Variants in SULT1A1 observed in about 807,000 individuals in gnomAD.
The protein encoded by SULT1A1 is sulfotransferase 1A1.
In SULT1A1, 35 loss-of-function variants were observed where a neutral mutation model predicts 36.8. That is an observed-to-expected ratio of 0.95 (90% confidence interval 0.73 to 1.26). The LOEUF is 1.26. Ranked by LOEUF, SULT1A1 falls within the 50% of genes most tolerant of loss-of-function variation. The pLI is 0.00. For synonymous variants in SULT1A1, 119 were observed against 146.0 expected (o/e 0.82, Z 1.33); for missense variants, 309 against 383.0 (o/e 0.81, Z 1.61).
intron 2 of SULT1A1, among the ~76,000 whole-genome samples, chr16:28,618,852 C>T (rs1231908762): frequency 6.6e-6 from 1 of 152,112 alleles, no homozygotes; most frequent in Non-Finnish European, 1.5e-5. Flanking sequence ...TTAAGCCACT[C>T]ACAGTCTACC....
At chr16:28,610,269 T>TTTTG, upstream of SULT1A1, 5 of 961,874 alleles carry the variant, frequency 5.2e-6, no homozygotes, top group South Asian at 7.0e-5. Flanking sequence ...TTTCTGTTTT[T>TTTTG]TTTTTTTTTT....
rs1411083609 is a variant in SULT1A1, at chr16:28,605,671, G to T, written c.*150C>A. 5 of 1,371,110 alleles carry T rather than the reference G, an allele frequency of 3.6e-6. No individual in the cohort carries two copies. Among genetic ancestry groups the T allele is most frequent in the African/African-American group, 1.4e-5 (1 of 70,950 alleles). The allele number at this position is 1,371,110 out of a possible 1,614,324, so 84.9% of individuals were successfully genotyped here. ...TGCCCAGGTTGGTCTCGAACTCCTGGGCTCAAATGATCCTCCCACCTCAGC... is the reference window on the plus strand; with the variant it reads ...TGCCCAGGTTGGTCTCGAACTCCTGTGCTCAAATGATCCTCCCACCTCAGC... On this transcript the variant is annotated 3_prime_UTR_variant, in exon 8 of 8. Coordinates refer to ENST00000314752, the MANE Select transcript of SULT1A1 (RefSeq NM_001055.4).
chr16:28,616,188 C>A (rs569880019), intron 2 of SULT1A1, among the ~76,000 whole-genome samples: 2 of 152,126 alleles, frequency 1.3e-5, no homozygotes. Flanking sequence ...CCTGGTTTTT[C>A]CTAGGCTATG....
At chr16:28,616,584 G>C (rs749574661) in intron 2 of SULT1A1, among the ~76,000 whole-genome samples, 1 of 152,042 alleles carries the variant, frequency 6.6e-6, no homozygotes, top group Middle Eastern at 3.4e-3. Flanking sequence ...CACCATGCCA[G>C]GCCAGTTTTA....
upstream of SULT1A1, chr16:28,610,162 A>C (rs769420546): frequency 7.8e-7 from 1 of 1,285,546 alleles, no homozygotes; most frequent in South Asian, 1.2e-5. Context: ...GACAAGCTTA[A>C]AGTGATCTCC....
In SULT1A1 at chr16:28,609,949, G is replaced by A. The variant is rs2047382501; in HGVS notation, c.-23C>T. Reference sequence around the variant, plus strand: ...CACTCACCTGAGCTCTTGGGAACCTGGCCTCGTGCCCTCCTCGCCCGCAGT... The same window carrying A: ...CACTCACCTGAGCTCTTGGGAACCTAGCCTCGTGCCCTCCTCGCCCGCAGT... On this transcript the variant is annotated 5_prime_UTR_variant, in exon 1 of 8. Coordinates refer to ENST00000314752, the MANE Select transcript of SULT1A1 (RefSeq NM_001055.4). The A allele has an allele frequency of 7.8e-7, 1 of 1,287,794 alleles. No homozygotes were observed. The highest frequency in any genetic ancestry group is 2.3e-5 in the Admixed American group (1 of 43,352). The allele number at this position is 1,287,794 out of a possible 1,614,324, so 79.8% of individuals were successfully genotyped here.
At chr16:28,620,258 T>A (rs897968014) in intron 1 of SULT1A1, 49 of 909,648 alleles carry the variant, frequency 5.4e-5, no homozygotes, top group Non-Finnish European at 7.5e-5. Flanking sequence ...TATGACCCTC[T>A]GATCCTACAG....
intron 1 of SULT1A1, among the ~76,000 whole-genome samples, chr16:28,622,057 C>G (rs929851964): frequency 2.0e-5 from 3 of 152,124 alleles, no homozygotes; most frequent in African/African-American, 7.2e-5. Flanking sequence ...GTCTTCACCC[C>G]GGGAGAAGCT....
chr16:28,608,283 T>C lies in SULT1A1; in HGVS notation c.372+8A>G, dbSNP rs771714580. On this transcript the variant is annotated splice_region_variant and intron_variant, in intron 4 of 7. Coordinates refer to ENST00000314752, the MANE Select transcript of SULT1A1 (RefSeq NM_001055.4). ...ATTATGGATGTGAAACACTGTGCCC[T>C]GCCTCACCTTGACCTTCTGATCCAA... 1.9e-6 allele frequency: 3 copies of C among 1,612,022 alleles called. No homozygotes were observed. The highest frequency in any genetic ancestry group is 1.1e-5 in the South Asian group (1 of 91,000).
In SULT1A1 at chr16:28,606,110, T is replaced by C; in HGVS notation, c.721A>G (p.Thr241Ala). Residue 241 changes from threonine (T) to alanine (A), a missense_variant, in exon 7 of 8, where the codon ACC (threonine) becomes GCC (alanine). Physicochemically the swap from Thr to Ala is moderately conservative, Grantham distance 58 (BLOSUM62 0). This residue lies in a region of SULT1A1 where 67 missense variants were observed against 122.0 expected (regional missense o/e 0.55). Transcript: ENST00000314752. ...TCCATGAACTCCTGGGGGACGGTGG[T>C]GTAGTTGGTCATAGGGTTCTTCTTC... ...EMKKNPMTNY[T>A]TVPQEFMDHS... is the part of the protein sequence containing the mutation. 1 of 1,504,646 alleles carries C rather than the reference T, an allele frequency of 6.6e-7. No homozygotes were observed. The allele number at this position is 1,504,646 out of a possible 1,614,324, so 93.2% of individuals were successfully genotyped here. A position where few individuals can be genotyped will look rare whatever the true frequency, so the allele number is the denominator to read the frequency against.
At chr16:28,623,234 C>T (rs761217042) in exon 1 of SULT1A1, 2 of 1,544,708 alleles carry the variant, frequency 1.3e-6, no homozygotes, top group Non-Finnish European at 1.7e-6. Flanking sequence ...CGCGCTCCAG[C>T]AGGCCCAGCC....
chr16:28,616,991 G>A (rs946515915), intron 2 of SULT1A1, among the ~76,000 whole-genome samples: 1 of 150,552 alleles, frequency 6.6e-6, no homozygotes, highest in African/African-American at 2.4e-5. Flanking sequence ...CCCAGTATGT[G>A]CCTAACTCCA....
rs572193094 is a variant in SULT1A1 at position 28,605,662 on chromosome 16, G to A, written c.*159C>T. ...TCACTATGTTGCCCAGGTTGGTCTC[G>A]AACTCCTGGGCTCAAATGATCCTCC... On this transcript the variant is annotated 3_prime_UTR_variant, in exon 8 of 8. Transcript: ENST00000314752. 46 of 1,295,204 alleles carry A rather than the reference G, an allele frequency of 3.6e-5. No individual in the cohort carries two copies. In the East Asian group the frequency reaches 1.0e-3, roughly 28 times the overall value. The allele number at this position is 1,295,204 out of a possible 1,614,324, so 80.2% of individuals were successfully genotyped here. A position where few individuals can be genotyped will look rare whatever the true frequency, so the allele number is the denominator to read the frequency against.
At chr16:28,615,721 T>C (rs1161554155) in intron 2 of SULT1A1, among the ~76,000 whole-genome samples, 1 of 152,200 alleles carries the variant, frequency 6.6e-6, no homozygotes, top group East Asian at 1.9e-4. Flanking sequence ...CTGTTATTTA[T>C]TGGATACAAG....
At chr16:28,623,100 C>CCCCCCCCCGGGTG in intron 1 of SULT1A1, 1 of 1,452,312 alleles carries the variant, frequency 6.9e-7, no homozygotes, top group Non-Finnish European at 9.4e-7. Flanking sequence ...ATACTGGTCC[C>CCCCCCCCCGGGTG]ACCCCCCAGG....
intron 2 of SULT1A1, chr16:28,620,013 A>T: frequency 7.3e-7 from 1 of 1,371,058 alleles, no homozygotes. Flanking sequence ...GTGTGTGTGT[A>T]TATACACACA....
At chr16:28,622,152 C>T (rs1269807783) in intron 1 of SULT1A1, among the ~76,000 whole-genome samples, 3 of 152,188 alleles carry the variant, frequency 2.0e-5, no homozygotes, top group African/African-American at 7.2e-5. Flanking sequence ...ATCATGCACC[C>T]TCTCCTTTCT....
Position 28,608,080 on chromosome 16 carries a change from C to T in SULT1A1, c.372+211G>A, listed in dbSNP as rs536046569. 2.2e-4 allele frequency: 149 copies of T among 684,242 alleles called. 1 individual carries two copies. In the African/African-American group the frequency reaches 2.2e-3, roughly 10 times the overall value. The allele number at this position is 684,242 out of a possible 1,614,324, so 42.4% of individuals were successfully genotyped here. On this transcript the variant is annotated intron_variant, in intron 4 of 7. Coordinates refer to ENST00000314752, the MANE Select transcript of SULT1A1 (RefSeq NM_001055.4). ...CTGGCTCACCACAACCTCCTTCTCC[C>T]GGGTTCAAGTGATTCTCCTGTCTCA...
In SULT1A1 at chr16:28,605,546, A is replaced by G. The variant is rs1490087534; in HGVS notation, c.*275T>C. ...CTCAACTTCTCAAATTGCTGGGATT[A>G]CAGGCATGAGCCACTCTGCCTGGCC... On this transcript the variant is annotated 3_prime_UTR_variant, in exon 8 of 8. Transcript: ENST00000314752. 1.1e-5 allele frequency: 6 copies of G among 556,742 alleles called. No individual in the cohort carries two copies. Among genetic ancestry groups the G allele is most frequent in the Non-Finnish European group, 1.9e-5 (6 of 320,702 alleles). 34.5% of individuals were successfully genotyped at this position (556,742 alleles called of 1,614,324 possible). A position where few individuals can be genotyped will look rare whatever the true frequency, so the allele number is the denominator to read the frequency against.
Sources: allele counts gnomAD v4.1 joint callset (sites outside exome capture counted in the v4.1 genomes callset), GRCh38; gene constraint gnomAD v4.1.1; regional missense constraint gnomAD v4.1.1; transcripts MANE v1.5; gene names NCBI Gene and HGNC (gene_info 2026-07-23, HGNC 2026-07-21).